The following DZANK1 variants were observed in gnomAD, a reference collection of about 807,000 sequenced individuals.
The protein encoded by DZANK1 is double zinc ribbon and ankyrin repeat-containing protein 1.
DZANK1 carries 91 observed loss-of-function variants against 94.5 expected under a neutral mutation model. The observed-to-expected ratio is 0.96, with a 90% confidence interval of 0.81 to 1.15. The LOEUF is 1.15. Ranked by LOEUF, DZANK1 falls within the 50% of genes most tolerant of loss-of-function variation. The pLI is 0.00. For missense variants in DZANK1, 903 were observed against 916.4 expected, an observed-to-expected ratio of 0.99 and a Z score of 0.19; for synonymous variants, 312 against 325.3, an observed-to-expected ratio of 0.96 and a Z score of 0.44.
intron 17 of DZANK1, 39 bp downstream of exon 17, chr20:18,393,672 T>C: frequency 1.5e-6 from 2 of 1,327,456 alleles, no homozygotes; most frequent in East Asian, 2.3e-5. Context: ...AATCACAGGC[T>C]GAAGACAACA....
intron 9 of DZANK1, among the ~76,000 whole-genome samples, chr20:18,428,377 T>C (rs1027749698): frequency 6.6e-6 from 1 of 151,758 alleles, no homozygotes; most frequent in African/African-American, 2.4e-5. Flanking sequence ...TTAGTAGAGA[T>C]GAGGTTTCGC....
In DZANK1 at chr20:18,418,214, C is replaced by T. The variant is rs532969012; in HGVS notation, c.955-2765G>A. Among the ~76,000 whole-genome samples, 3 of 152,218 alleles carry T rather than the reference C, an allele frequency of 2.0e-5. No individual in the cohort carries two copies. In the South Asian group the frequency reaches 6.2e-4, roughly 32 times the overall value. On this transcript the variant is annotated intron_variant, in intron 10 of 20. Coordinates refer to ENST00000262547, the Ensembl canonical transcript of DZANK1. The stretch of plus-strand genomic sequence containing the variant: ...CAGTTCCCATCGTCACAGTTTTCAG[C>T]CTGGAGCTAAGGGTAGTCTACATAG...
intron 13 of DZANK1, among the ~76,000 whole-genome samples, chr20:18,401,837 CA>C (rs1314157501): frequency 6.6e-6 from 1 of 152,202 alleles, no homozygotes; most frequent in Non-Finnish European, 1.5e-5. Context: ...CCAGAACTAT[CA>C]CGGTGTCTCT....
intron 7 of DZANK1, among the ~76,000 whole-genome samples, chr20:18,446,186 T>C (rs2058874796): frequency 6.6e-6 from 1 of 152,028 alleles, no homozygotes; most frequent in Non-Finnish European, 1.5e-5. Context: ...TTGAGGCTGC[T>C]GTGAGCTATG....
chr20:18,410,313 G>C (rs1454308933), intron 13 of DZANK1, among the ~76,000 whole-genome samples: 1 of 152,018 alleles, frequency 6.6e-6, no homozygotes, highest in Non-Finnish European at 1.5e-5. Context: ...AATTATAGGG[G>C]TAGAATTTAT....
intron 3 of DZANK1, among the ~76,000 whole-genome samples, chr20:18,456,744 T>C (rs769726701): frequency 3.9e-5 from 6 of 152,230 alleles, no homozygotes; most frequent in Non-Finnish European, 8.8e-5. Context: ...TTGTAACTCG[T>C]TCATTGTTAT....
chr20:18,446,910 C>T (rs2058899352), intron 7 of DZANK1, among the ~76,000 whole-genome samples: 1 of 152,148 alleles, frequency 6.6e-6, no homozygotes. Flanking sequence ...CCCAACATCC[C>T]TTATGCAAAT....
Position 18,405,871 on chromosome 20 carries a change from G to A in DZANK1, c.1432+6775C>T, listed in dbSNP as rs188744575. 1.8e-3 allele frequency among the ~76,000 whole-genome samples: 275 copies of A among 152,362 alleles called. 2 individuals are homozygous for A. Among genetic ancestry groups the A allele is most frequent in the African/African-American group, 6.3e-3 (262 of 41,580 alleles). Reference sequence around the variant, plus strand: ...CAGCTATACAGGATGGAAAGAGAATGTGTGCACTTTGGGGAGGGAGAGCAC... The same window carrying A: ...CAGCTATACAGGATGGAAAGAGAATATGTGCACTTTGGGGAGGGAGAGCAC... On this transcript the variant is annotated intron_variant, in intron 13 of 20. Transcript: ENST00000262547.
chr20:18,412,808 C>A, exon 13 of DZANK1: 1 of 1,613,962 alleles, frequency 6.2e-7, no homozygotes, highest in Non-Finnish European at 8.5e-7. Context: ...GTCCCAACAT[C>A]AGATCTGGGC....
chr20:18,394,077 A>T (rs1600728187), intron 16 of DZANK1, among the ~76,000 whole-genome samples, 177 bp downstream of exon 16: 1 of 152,188 alleles, frequency 6.6e-6, no homozygotes, highest in Admixed American at 6.6e-5. Flanking sequence ...CAAGCCCTGT[A>T]AAGGACTTCA....
intron 7 of DZANK1, among the ~76,000 whole-genome samples, chr20:18,445,040 C>T (rs6105922): frequency 0.35 from 53,088 of 151,662 alleles, 10,252 homozygotes; most frequent in Middle Eastern, 0.45. Context: ...ATCTCCTGAC[C>T]TCGTGATCCG....
intron 11 of DZANK1, among the ~76,000 whole-genome samples, chr20:18,414,981 T>A (rs1270332930): frequency 6.6e-6 from 1 of 152,224 alleles, no homozygotes; most frequent in Non-Finnish European, 1.5e-5. Context: ...AGACTAACCC[T>A]TCACTCTAAA....
At chr20:18,425,093 G>T (rs1217454519) in intron 10 of DZANK1, among the ~76,000 whole-genome samples, 1 of 152,192 alleles carries the variant, frequency 6.6e-6, no homozygotes, top group Non-Finnish European at 1.5e-5. Context: ...TATCTTCATT[G>T]TGGTGGTAGT....
At chr20:18,432,880 A>G (rs962824143) in intron 9 of DZANK1, 4 of 152,232 alleles carry the variant, frequency 2.6e-5, no homozygotes, top group East Asian at 1.9e-4. Flanking sequence ...ACAGTATGAT[A>G]TCATTTTTTG....
chr20:18,434,115 C>T (rs973209507), intron 8 of DZANK1, among the ~76,000 whole-genome samples: 10 of 151,270 alleles, frequency 6.6e-5, no homozygotes, highest in African/African-American at 1.9e-4. Context: ...ATAACAATTA[C>T]TTTTATTATT....
chr20:18,419,063 A>G (rs1047785737), intron 10 of DZANK1, among the ~76,000 whole-genome samples: 16 of 152,132 alleles, frequency 1.1e-4, no homozygotes, highest in South Asian at 2.1e-4. Context: ...GGAGTATGAA[A>G]CCAGCCTGGC....
intron 9 of DZANK1, 144 bp downstream of exon 9, chr20:18,433,508 C>T: frequency 1.5e-6 from 1 of 682,414 alleles, no homozygotes; most frequent in Non-Finnish European, 2.5e-6. Context: ...CGCTACTGCA[C>T]TCCAGCCTGT....
intron 2 of DZANK1, among the ~76,000 whole-genome samples, chr20:18,464,003 T>C (rs779163277): frequency 2.6e-5 from 4 of 152,070 alleles, no homozygotes; most frequent in Non-Finnish European, 4.4e-5. Flanking sequence ...TGTGTAGATA[T>C]ACACACATAT....
At chr20:18,465,551 G>A (rs979156418) in intron 1 of DZANK1, 174 bp from the exon 2 acceptor site, 1 of 281,264 alleles carries the variant, frequency 3.6e-6, no homozygotes, top group Non-Finnish European at 6.6e-6. Flanking sequence ...TGCTGTTGAG[G>A]TCTTGTGTGG....
Sources: gnomAD v4.1 joint callset for allele counts (sites outside exome capture counted in the v4.1 genomes callset) on GRCh38, gnomAD v4.1.1 for gene constraint, MANE v1.5 for transcripts, NCBI Gene and HGNC (gene_info 2026-07-23, HGNC 2026-07-21) for gene names.